The following MAPK10 variants were observed in gnomAD, a reference collection of about 807,000 sequenced individuals.
MAPK10 encodes the protein JNK3 alpha protein kinase.
A neutral mutation model predicts 59.3 loss-of-function variants in MAPK10; 25 were observed. The ratio of observed to expected loss-of-function variants is 0.42; its 90% CI spans 0.31 to 0.59. MAPK10 has a LOEUF of 0.59. MAPK10 is among the 20% of genes least tolerant of loss of function. MAPK10 has a pLI of 0.15. For missense variants in MAPK10, 351 were observed against 568.9 expected (o/e 0.62, Z 3.90); for synonymous variants, 190 against 200.5 (o/e 0.95, Z 0.44).
chr4:86,431,016 G>A (rs1160802970), intron 1 of MAPK10, among the ~76,000 whole-genome samples: 1 of 151,964 alleles, frequency 6.6e-6, no homozygotes, highest in African/African-American at 2.4e-5. Context: ...GAAGGCTATT[G>A]CAATGGCTTA....
At chr4:86,423,916 A>T (rs1466670172) in intron 1 of MAPK10, among the ~76,000 whole-genome samples, 3 of 151,876 alleles carry the variant, frequency 2.0e-5, no homozygotes, top group Non-Finnish European at 4.4e-5. Flanking sequence ...AAGTAACCTA[A>T]AAGTTACTAC....
At chr4:86,174,655 T>C (rs568220853) in intron 3 of MAPK10, among the ~76,000 whole-genome samples, 20 of 152,288 alleles carry the variant, frequency 1.3e-4, no homozygotes, top group African/African-American at 4.8e-4. Context: ...ACACTTCTCT[T>C]TCCACAGTGG....
chr4:86,098,671 G>A, intron 8 of MAPK10, 76 bp from the exon 9 acceptor site: 1 of 1,196,290 alleles, frequency 8.4e-7, no homozygotes, highest in South Asian at 1.3e-5. Context: ...TTCTGAAGGA[G>A]GAGGAAAAAG....
intron 2 of MAPK10, among the ~76,000 whole-genome samples, chr4:86,222,452 C>A (rs2148644701): frequency 6.6e-6 from 1 of 152,270 alleles, no homozygotes; most frequent in South Asian, 2.1e-4. Context: ...ATGCAAGGTA[C>A]AAAGCCTTCA....
intron 2 of MAPK10, among the ~76,000 whole-genome samples, chr4:86,219,224 G>C (rs1206597139): frequency 6.6e-6 from 1 of 152,100 alleles, no homozygotes; most frequent in Non-Finnish European, 1.5e-5. Flanking sequence ...AGATTTCTCA[G>C]ACTTGCCCCT....
At chr4:86,308,192 G>A (rs1285325861) in intron 2 of MAPK10, among the ~76,000 whole-genome samples, 1 of 152,136 alleles carries the variant, frequency 6.6e-6, no homozygotes, top group African/African-American at 2.4e-5. Context: ...TAGAGGTTAA[G>A]TGAGCATTTG....
chr4:86,197,518 G>T (rs796618673), intron 2 of MAPK10, among the ~76,000 whole-genome samples: 13 of 152,230 alleles, frequency 8.5e-5, no homozygotes, highest in African/African-American at 2.2e-4. Flanking sequence ...CAGACAATTT[G>T]CCAGCCATCT....
In MAPK10 at chr4:86,139,875, C is replaced by T. The variant is rs1377728603; in HGVS notation, c.236+19423G>A. ...ACCCCATCAAAAAGTGGGCGAAGGA[C>T]ATGAACAGACACTTCTCAAAAGAAG... On this transcript the variant is annotated intron_variant, in intron 4 of 13. Transcript: ENST00000641462. Among the ~76,000 whole-genome samples, 66 of 148,058 alleles carry T rather than the reference C, an allele frequency of 4.5e-4. No homozygotes were observed. In the Middle Eastern group the frequency reaches 0.024, roughly 53 times the overall value.
chr4:86,070,952 C>T (rs1445250636), intron 9 of MAPK10, among the ~76,000 whole-genome samples: 3 of 151,988 alleles, frequency 2.0e-5, no homozygotes. Context: ...TTCTAGATCC[C>T]TGAGGAATCG....
rs1307507992 is a variant in MAPK10, at chr4:86,067,936, C to T, written c.822G>A (p.Lys274=). The T allele has an allele frequency of 6.2e-7, 1 of 1,610,810 alleles. No individual in the cohort carries two copies. Among genetic ancestry groups the T allele is most frequent in the Non-Finnish European group, 8.5e-7 (1 of 1,178,306 alleles). The change falls in exon 10 of 14, where the codon AAG becomes AAA. Residue 274 remains lysine (K), a synonymous_variant. Transcript: ENST00000641462. ...PGRDYIDQWN[K]VIEQLGTPCP... is the part of the protein sequence containing the mutation. ...ATGGTGTTCCTAGTTGTTCAATTAC[C>T]TTATTCCACTGGTCAATATCTGAGA... is the stretch of plus-strand genomic sequence containing the variant.
chr4:86,241,902 G>A (rs1055223503), intron 2 of MAPK10, among the ~76,000 whole-genome samples: 1 of 152,136 alleles, frequency 6.6e-6, no homozygotes, highest in Non-Finnish European at 1.5e-5. Flanking sequence ...TTAGAGAAGA[G>A]GCACTCTGGT....
intron 11 of MAPK10, among the ~76,000 whole-genome samples, chr4:86,063,782 T>A (rs1028023042): frequency 5.9e-5 from 9 of 152,202 alleles, no homozygotes; most frequent in African/African-American, 2.2e-4. Flanking sequence ...TTCTAGTTCA[T>A]CTAGTTCATG....
intron 2 of MAPK10, among the ~76,000 whole-genome samples, chr4:86,277,553 C>T (rs2094623832): frequency 6.6e-6 from 1 of 151,996 alleles, no homozygotes; most frequent in South Asian, 2.1e-4. Context: ...TTTAAAGTGC[C>T]TAAGTATTGA....
chr4:86,067,472 C>A (rs1254832577), intron 10 of MAPK10, among the ~76,000 whole-genome samples: 1 of 152,046 alleles, frequency 6.6e-6, no homozygotes, highest in Non-Finnish European at 1.5e-5. Context: ...TTCTAAAATC[C>A]GTGGCTACTC....
chr4:86,152,099 A>C (rs1162678587), intron 4 of MAPK10: 1 of 152,146 alleles, frequency 6.6e-6, no homozygotes, highest in Non-Finnish European at 1.5e-5. Flanking sequence ...CCCTCATCTC[A>C]GTCCTCTTGT....
At chr4:86,029,720 C>A (rs562929602) in intron 12 of MAPK10, among the ~76,000 whole-genome samples, 3 of 152,210 alleles carry the variant, frequency 2.0e-5, no homozygotes, top group Admixed American at 2.0e-4. Context: ...CTTTGAACAT[C>A]CATTTTTCTT....
At chr4:86,569,311 G>A (rs771894165) in intron 1 of MAPK10, among the ~76,000 whole-genome samples, 1 of 152,100 alleles carries the variant, frequency 6.6e-6, no homozygotes, top group Non-Finnish European at 1.5e-5. Context: ...AGGTGTTGAC[G>A]AGGATGCAGA....
intron 11 of MAPK10, chr4:86,031,639 T>C (rs1407283822): frequency 2.1e-6 from 1 of 479,872 alleles, no homozygotes; most frequent in Non-Finnish European, 3.7e-6. Flanking sequence ...GCTGACCCAA[T>C]ATTGCTGCAA....
At chr4:86,410,468 G>A (rs1472079492) in intron 1 of MAPK10, among the ~76,000 whole-genome samples, 2 of 152,160 alleles carry the variant, frequency 1.3e-5, no homozygotes, top group Non-Finnish European at 2.9e-5. Flanking sequence ...AATAGTTTCA[G>A]AAAGAATGGT....
Sources: allele counts gnomAD v4.1 joint callset (sites outside exome capture counted in the v4.1 genomes callset), GRCh38; gene constraint gnomAD v4.1.1; transcripts MANE v1.5; gene names NCBI Gene and HGNC (gene_info 2026-07-23, HGNC 2026-07-21).